Variants in ST6GALNAC3 observed in about 807,000 individuals in gnomAD.
ST6GALNAC3 encodes the protein ST6 N-acetylgalactosaminide alpha-2,6-sialyltransferase 3, also known as alpha-N-acetylgalactosaminide alpha-2,6-sialyltransferase 3.
ST6GALNAC3 carries 25 observed loss-of-function variants against 32.7 expected under a neutral mutation model. The ratio of observed to expected loss-of-function variants is 0.76; its 90% CI spans 0.56 to 1.07. The LOEUF (loss-of-function observed/expected upper bound fraction) is 1.07, where lower values mean the gene tolerates loss of function less well. Among genes scored for constraint, ST6GALNAC3 ranks in the 50% least tolerant of loss-of-function variants. The pLI, the probability that ST6GALNAC3 is intolerant of heterozygous loss-of-function variation, is 0.00. For synonymous variants in ST6GALNAC3, 129 were observed against 133.1 expected (o/e 0.97, Z 0.21); for missense variants, 355 against 382.4 (o/e 0.93, Z 0.60).
intron 3 of ST6GALNAC3, among the ~76,000 whole-genome samples, chr1:76,606,541 C>G (rs78294525): frequency 0.032 from 4,804 of 152,042 alleles, 272 homozygotes; most frequent in African/African-American, 0.11. Flanking sequence ...GGGAGGGAAA[C>G]AACCCATACT....
intron 2 of ST6GALNAC3, among the ~76,000 whole-genome samples, chr1:76,407,299 A>T (rs775972164): frequency 2.6e-5 from 4 of 152,092 alleles, no homozygotes; most frequent in Admixed American, 6.6e-5. Flanking sequence ...TGCACAGAAT[A>T]GGTACTAAAT....
chr1:76,632,829 C>T lies in ST6GALNAC3; in HGVS notation c.*4023C>T, dbSNP rs1421116791. ...AAACAACAACAATGTGCCCATCTAG[C>T]CTTTAATGTGACATGTCAAATGCAA... On this transcript the variant is annotated 3_prime_UTR_variant, in exon 5 of 5. Transcript: ENST00000328299. 2 of 148,772 alleles carry T rather than the reference C, an allele frequency of 1.3e-5. No individual in the cohort carries two copies. The highest frequency in any genetic ancestry group is 4.8e-5 in the African/African-American group (2 of 41,370). The allele number at this position is 148,772 out of a possible 1,614,324, so 9.2% of individuals were successfully genotyped here.
chr1:76,392,044 G>T (rs943166189), intron 2 of ST6GALNAC3, among the ~76,000 whole-genome samples: 8 of 152,280 alleles, frequency 5.3e-5, no homozygotes, highest in African/African-American at 1.9e-4. Flanking sequence ...ATGCTTCGTT[G>T]TGGGTAGGGG....
rs1423222043 is a variant in ST6GALNAC3 at position 76,397,313 on chromosome 1, T to C, written c.214-14695T>C. ...ATTAAATTTTTTCCTGAAAAACCACTTGTAGTTAAATATCCAGACTGACAG... is the reference window on the plus strand; with the variant it reads ...ATTAAATTTTTTCCTGAAAAACCACCTGTAGTTAAATATCCAGACTGACAG... On this transcript the variant is annotated intron_variant, in intron 2 of 4. Coordinates refer to ENST00000328299, the MANE Select transcript of ST6GALNAC3 (RefSeq NM_152996.4). Among the ~76,000 whole-genome samples the C allele has an allele frequency of 2.0e-5, 3 of 151,804 alleles. No individual in the cohort carries two copies. The South Asian group carries it at 6.3e-4, about 32-fold the overall frequency.
intron 1 of ST6GALNAC3, among the ~76,000 whole-genome samples, chr1:76,185,515 A>G (rs1653494922): frequency 6.6e-6 from 1 of 152,006 alleles, no homozygotes; most frequent in African/African-American, 2.4e-5. Context: ...GGAGGAAAGC[A>G]CTCTTTGCTT....
chr1:76,424,661 G>A (rs916769052), intron 3 of ST6GALNAC3, among the ~76,000 whole-genome samples: 3 of 151,914 alleles, frequency 2.0e-5, no homozygotes, highest in South Asian at 2.1e-4. Flanking sequence ...CAGCTTGGTC[G>A]ATATTAGTTA....
chr1:76,450,430 T>A (rs528380522), intron 3 of ST6GALNAC3, among the ~76,000 whole-genome samples: 20 of 152,302 alleles, frequency 1.3e-4, no homozygotes, highest in African/African-American at 4.8e-4. Flanking sequence ...ATTGCTTTTT[T>A]CTTGCTGACT....
intron 1 of ST6GALNAC3, among the ~76,000 whole-genome samples, chr1:76,204,563 C>T (rs757501781): frequency 6.6e-6 from 1 of 151,976 alleles, no homozygotes; most frequent in Non-Finnish European, 1.5e-5. Context: ...GGGGATATGT[C>T]CTTGGGTGTG....
intron 2 of ST6GALNAC3, among the ~76,000 whole-genome samples, chr1:76,376,501 G>A (rs1651246217): frequency 6.6e-6 from 1 of 152,036 alleles, no homozygotes; most frequent in South Asian, 2.1e-4. Context: ...CCACTAATCT[G>A]TTCTCCAAAG....
chr1:76,228,847 C>T (rs1273556643), intron 1 of ST6GALNAC3, among the ~76,000 whole-genome samples: 4 of 152,262 alleles, frequency 2.6e-5, no homozygotes, highest in African/African-American at 9.6e-5. Context: ...GCAACATAAA[C>T]AACGGTTTCT....
At chr1:76,286,219 T>C (rs1361493312) in intron 1 of ST6GALNAC3, among the ~76,000 whole-genome samples, 5 of 152,328 alleles carry the variant, frequency 3.3e-5, no homozygotes, top group African/African-American at 1.2e-4. Flanking sequence ...TTTAATTGGC[T>C]ACCTTTGGAG....
At chr1:76,284,654 G>A (rs915015672) in intron 1 of ST6GALNAC3, among the ~76,000 whole-genome samples, 1 of 151,834 alleles carries the variant, frequency 6.6e-6, no homozygotes, top group African/African-American at 2.4e-5. Flanking sequence ...TTTTTAATTA[G>A]GACTATTATA....
chr1:76,502,287 A>G (rs1236446465), intron 3 of ST6GALNAC3, among the ~76,000 whole-genome samples: 4 of 152,228 alleles, frequency 2.6e-5, no homozygotes, highest in African/African-American at 9.6e-5. Flanking sequence ...CTTCTGCCAC[A>G]TTAAATAATC....
In ST6GALNAC3 at chr1:76,634,291, C is replaced by A; in HGVS notation, c.*5485C>A. On this transcript the variant is annotated 3_prime_UTR_variant, in exon 5 of 5. Coordinates refer to ENST00000328299, the MANE Select transcript of ST6GALNAC3 (RefSeq NM_152996.4). ...CTAAGAAACTTCAAAAAGATCAAAA[C>A]GAGGCAATTTTATAGCTTTTTGTTA... 4.2e-6 allele frequency: 2 copies of A among 472,412 alleles called. No individual in the cohort carries two copies. The highest frequency in any genetic ancestry group is 2.8e-6 in the Non-Finnish European group (1 of 361,156). The allele number at this position is 472,412 out of a possible 1,614,324, so 29.3% of individuals were successfully genotyped here. A position where few individuals can be genotyped will look rare whatever the true frequency, so the allele number is the denominator to read the frequency against.
At chr1:76,545,466 A>G (rs1206062271) in intron 3 of ST6GALNAC3, among the ~76,000 whole-genome samples, 7 of 152,100 alleles carry the variant, frequency 4.6e-5, no homozygotes, top group Non-Finnish European at 7.4e-5. Context: ...ACAGTGTCCA[A>G]GACAGTCCTA....
At chr1:76,505,217 G>T (rs952541892) in intron 3 of ST6GALNAC3, among the ~76,000 whole-genome samples, 1 of 151,542 alleles carries the variant, frequency 6.6e-6, no homozygotes, top group Admixed American at 6.6e-5. Context: ...TCTGCCTCCC[G>T]GGTTCAAGCA....
chr1:76,538,481 A>G (rs968390969), intron 3 of ST6GALNAC3, among the ~76,000 whole-genome samples: 1 of 152,190 alleles, frequency 6.6e-6, no homozygotes, highest in Non-Finnish European at 1.5e-5. Flanking sequence ...GCCCTCTCTC[A>G]CCACTCCTAT....
chr1:76,443,905 G>C lies in ST6GALNAC3; in HGVS notation c.623+31488G>C, dbSNP rs560266885. 4.3e-3 allele frequency among the ~76,000 whole-genome samples: 656 copies of C among 152,164 alleles called. 4 individuals are homozygous for C. Among genetic ancestry groups the C allele is most frequent in the African/African-American group, 0.015 (643 of 41,518 alleles). ...TCACTCTCTAGGAAACTCTATAATGGGTGCCATTTGGCATTCTAATAACTG... is the reference window on the plus strand; with the variant it reads ...TCACTCTCTAGGAAACTCTATAATGCGTGCCATTTGGCATTCTAATAACTG... On this transcript the variant is annotated intron_variant, in intron 3 of 4. Transcript: ENST00000328299.
chr1:76,379,040 G>A (rs1460180547), intron 2 of ST6GALNAC3, among the ~76,000 whole-genome samples: 1 of 152,188 alleles, frequency 6.6e-6, no homozygotes, highest in African/African-American at 2.4e-5. Context: ...TGGGACTACA[G>A]GTGCCTGCCA....
Sources: allele counts gnomAD v4.1 joint callset (sites outside exome capture counted in the v4.1 genomes callset), GRCh38; gene constraint gnomAD v4.1.1; transcripts MANE v1.5; gene names NCBI Gene and HGNC (gene_info 2026-07-23, HGNC 2026-07-21).